The following EXOC6B variants were observed in gnomAD, a reference collection of about 807,000 sequenced individuals.
EXOC6B encodes exocyst complex component 6B.
EXOC6B carries 54 observed loss-of-function variants against 113.5 expected under a neutral mutation model. The observed-to-expected ratio is 0.48, with a 90% confidence interval of 0.38 to 0.60. The LOEUF (loss-of-function observed/expected upper bound fraction) is 0.60. EXOC6B is among the 20% of genes least tolerant of loss of function. The pLI is 0.00. For missense variants in EXOC6B, 797 were observed against 977.5 expected, an observed-to-expected ratio of 0.82 and a Z score of 2.46; for synonymous variants, 357 against 339.0, an observed-to-expected ratio of 1.05 and a Z score of -0.58.
intron 1 of EXOC6B, among the ~76,000 whole-genome samples, chr2:72,768,653 T>C (rs1046561221): frequency 1.3e-5 from 2 of 151,412 alleles, no homozygotes; most frequent in African/African-American, 4.9e-5. Context: ...ACTGATATTA[T>C]GAAAATATTT....
At chr2:72,487,542 G>C (rs1699496825) in intron 16 of EXOC6B, among the ~76,000 whole-genome samples, 1 of 151,972 alleles carries the variant, frequency 6.6e-6, no homozygotes, top group African/African-American at 2.4e-5. Flanking sequence ...TATATTTTTA[G>C]TAGAGACGGG....
rs1019964946 is a variant in EXOC6B at position 72,619,810 on chromosome 2, T to C, written c.670-44142A>G. 7.2e-5 allele frequency among the ~76,000 whole-genome samples: 11 copies of C among 152,124 alleles called. 1 individual carries two copies. The highest frequency in any genetic ancestry group is 1.5e-4 in the Non-Finnish European group (10 of 68,012). ...CAACAGGAGACTCTGCATCCCTGAT[T>C]GATGTGTGAGCTAGCAGGGGGATCT... On this transcript the variant is annotated intron_variant, in intron 6 of 21. Transcript: ENST00000272427.
At chr2:72,268,861 T>G (rs1684302128) in intron 20 of EXOC6B, among the ~76,000 whole-genome samples, 1 of 152,154 alleles carries the variant, frequency 6.6e-6, no homozygotes, top group African/African-American at 2.4e-5. Context: ...GAGGCCCTCA[T>G]CAGAAGCAGA....
chr2:72,641,202 T>C (rs377631648), intron 6 of EXOC6B, among the ~76,000 whole-genome samples: 2 of 152,168 alleles, frequency 1.3e-5, no homozygotes, highest in Non-Finnish European at 2.9e-5. Context: ...GTTCATCTAA[T>C]TGGGACTGGT....
At chr2:72,338,830 T>C (rs1345102286) in intron 19 of EXOC6B, among the ~76,000 whole-genome samples, 1 of 152,038 alleles carries the variant, frequency 6.6e-6, no homozygotes, top group Non-Finnish European at 1.5e-5. Context: ...AGGGTGTTTT[T>C]TTTTCTTCTT....
intron 18 of EXOC6B, among the ~76,000 whole-genome samples, chr2:72,412,395 A>T (rs1167335161): frequency 2.0e-5 from 3 of 152,236 alleles, no homozygotes; most frequent in African/African-American, 7.2e-5. Flanking sequence ...GGTAACAACC[A>T]GAAGCCCACA....
In EXOC6B at chr2:72,190,145, C is replaced by T. The variant is rs182128658; in HGVS notation, c.2197-5958G>A. ...TCCTGGGCTCAAGTAATCCTCCCAC[C>T]TTCACCTCCCTGAGTAGCTAGGACT... On this transcript the variant is annotated intron_variant, in intron 20 of 21. Transcript: ENST00000272427. 5.7e-4 allele frequency among the ~76,000 whole-genome samples: 86 copies of T among 151,920 alleles called. 1 individual carries two copies.
chr2:72,489,753 C>G (rs953615066), intron 16 of EXOC6B, among the ~76,000 whole-genome samples: 2 of 152,068 alleles, frequency 1.3e-5, no homozygotes, highest in African/African-American at 4.8e-5. Context: ...AATAGCCATT[C>G]TCGCTAAAAA....
chr2:72,463,620 TACCCTC>T (rs1392500490), intron 18 of EXOC6B: 5 of 152,170 alleles, frequency 3.3e-5, no homozygotes, highest in Non-Finnish European at 7.4e-5. Context: ...GGACTAGTTT[TACCCTC>T]AAGATATTTA....
intron 6 of EXOC6B, among the ~76,000 whole-genome samples, chr2:72,633,798 C>T (rs1218239971): frequency 6.6e-6 from 1 of 152,084 alleles, no homozygotes; most frequent in African/African-American, 2.4e-5. Context: ...CATTAAATAA[C>T]TTAAAGTTTT....
intron 18 of EXOC6B, among the ~76,000 whole-genome samples, chr2:72,393,956 T>C (rs1264698175): frequency 6.6e-6 from 1 of 152,102 alleles, no homozygotes; most frequent in African/African-American, 2.4e-5. Flanking sequence ...AGATGTGTGG[T>C]TTAATAAAAA....
intron 6 of EXOC6B, among the ~76,000 whole-genome samples, chr2:72,653,750 T>A (rs957251263): frequency 5.3e-5 from 8 of 151,898 alleles, no homozygotes; most frequent in African/African-American, 1.9e-4. Flanking sequence ...CATTTGAAAC[T>A]AACTTCTAAG....
Position 72,733,101 on chromosome 2 carries a change from A to T in EXOC6B, c.297T>A (p.Thr99=). The change falls in exon 3 of 22, where the codon ACT becomes ACA. Residue 99 remains threonine (T), a synonymous_variant. Transcript: ENST00000272427. ...TTCCCTCATGTTGTAGTTTTCTATT[A>T]GTATCCGTCACTTGATTCTGTGGAG... The part of the protein sequence containing the change: ...AQKLKNQVTD[T]NRKLQHEGKE... 6.3e-7 allele frequency: 1 copy of T among 1,593,364 alleles called. No homozygotes were observed. The highest frequency in any genetic ancestry group is 8.6e-7 in the Non-Finnish European group (1 of 1,167,784).
intron 1 of EXOC6B, among the ~76,000 whole-genome samples, chr2:72,803,932 TAA>T (rs1403300430): frequency 6.6e-6 from 1 of 152,214 alleles, no homozygotes; most frequent in African/African-American, 2.4e-5. Flanking sequence ...AGAATTAACC[TAA>T]GTTAGGCCAT....
chr2:72,502,335 G>A (rs985923624), intron 11 of EXOC6B, among the ~76,000 whole-genome samples: 4 of 152,074 alleles, frequency 2.6e-5, no homozygotes, highest in African/African-American at 7.2e-5. Context: ...ATCACCTGAG[G>A]TCAGAAACTC....
chr2:72,257,991 C>G (rs17007985), intron 20 of EXOC6B, among the ~76,000 whole-genome samples: 2,180 of 152,238 alleles, frequency 0.014, 52 homozygotes, highest in African/African-American at 0.049. Context: ...CTGGGAACTT[C>G]CATCCTGAAA....
chr2:72,680,031 C>G (rs905587733), intron 6 of EXOC6B, among the ~76,000 whole-genome samples: 3 of 151,482 alleles, frequency 2.0e-5, no homozygotes, highest in Admixed American at 1.3e-4. Context: ...ATGCTTTTTT[C>G]CTAAAGATGT....
chr2:72,514,647 T>G lies in EXOC6B; in HGVS notation c.1033A>C (p.Asn345His). 1.6e-6 allele frequency: 2 copies of G among 1,283,266 alleles called. No homozygotes were observed. Among genetic ancestry groups the G allele is most frequent in the Non-Finnish European group, 2.1e-6 (2 of 941,258 alleles). The allele number at this position is 1,283,266 out of a possible 1,614,324, so 79.5% of individuals were successfully genotyped here. ...ATATATACCTACCCTACAATTTGATTAAAATACTTCCTGTAGCCATCTAAA... is the reference window on the plus strand; with the variant it reads ...ATATATACCTACCCTACAATTTGATGAAAATACTTCCTGTAGCCATCTAAA... ...ETLDGYRKYFNQIVGFFVVED... is the reference protein window; with the variant it reads ...ETLDGYRKYFHQIVGFFVVED... The change falls in exon 10 of 22, where the codon AAT (asparagine) becomes CAT (histidine). Residue 345 changes from asparagine to histidine, a missense_variant. Coordinates refer to ENST00000272427, the MANE Select transcript of EXOC6B (RefSeq NM_015189.3).
At chr2:72,230,202 C>T (rs183007625) in intron 20 of EXOC6B, among the ~76,000 whole-genome samples, 1 of 152,010 alleles carries the variant, frequency 6.6e-6, no homozygotes, top group Admixed American at 6.6e-5. Flanking sequence ...TCCGCGTGTC[C>T]CAAATTTATT....
Sources: allele counts gnomAD v4.1 joint callset (sites outside exome capture counted in the v4.1 genomes callset), GRCh38; gene constraint gnomAD v4.1.1; transcripts MANE v1.5; gene names NCBI Gene and HGNC (gene_info 2026-07-23, HGNC 2026-07-21).